The following GALNT18 variants were observed in gnomAD, a reference collection of about 807,000 sequenced individuals.
GALNT18 encodes the protein polypeptide N-acetylgalactosaminyltransferase 18, also known as GalNAc-transferase 18.
Under a neutral mutation model 69.5 loss-of-function variants are expected in GALNT18, and 44 were observed. The observed-to-expected ratio is 0.63, with a 90% confidence interval of 0.50 to 0.81. The LOEUF (loss-of-function observed/expected upper bound fraction) is 0.81, where lower values mean the gene tolerates loss of function less well. GALNT18 is among the 40% of genes least tolerant of loss of function. The pLI, the probability that GALNT18 is intolerant of heterozygous loss-of-function variation, is 0.00. For missense variants in GALNT18, 715 were observed against 810.0 expected, an observed-to-expected ratio of 0.88 and a Z score of 1.42; for synonymous variants, 364 against 318.2, an observed-to-expected ratio of 1.14 and a Z score of -1.53.
At chr11:11,503,781 G>A (rs1029631996) in intron 1 of GALNT18, among the ~76,000 whole-genome samples, 2 of 152,048 alleles carry the variant, frequency 1.3e-5, no homozygotes, top group South Asian at 2.1e-4. Flanking sequence ...TTTTGTTGAC[G>A]TAAATGTACA....
At chr11:11,425,854 G>A (rs1221475216) in intron 3 of GALNT18, among the ~76,000 whole-genome samples, 1 of 152,224 alleles carries the variant, frequency 6.6e-6, no homozygotes, top group East Asian at 1.9e-4. Flanking sequence ...AGCAATGAAT[G>A]CCAAGAGTCA....
chr11:11,437,336 A>C (rs561486768), intron 2 of GALNT18, among the ~76,000 whole-genome samples: 47 of 152,182 alleles, frequency 3.1e-4, no homozygotes, highest in Middle Eastern at 3.2e-3. Context: ...GAGATAAAAA[A>C]AACAAGGCAT....
At chr11:11,271,601 C>G (rs1056588086) in intron 10 of GALNT18, among the ~76,000 whole-genome samples, 2 of 152,132 alleles carry the variant, frequency 1.3e-5, no homozygotes, top group Non-Finnish European at 2.9e-5. Flanking sequence ...AGCTCCTACC[C>G]CAGGGGCTGG....
intron 1 of GALNT18, among the ~76,000 whole-genome samples, chr11:11,589,798 C>G (rs964678193): frequency 6.6e-6 from 1 of 152,210 alleles, no homozygotes; most frequent in African/African-American, 2.4e-5. Context: ...ACAACCTACT[C>G]TCAAATTTGT....
At chr11:11,514,335 T>A (rs1405401533) in intron 1 of GALNT18, among the ~76,000 whole-genome samples, 2 of 152,208 alleles carry the variant, frequency 1.3e-5, no homozygotes, top group African/African-American at 4.8e-5. Context: ...GCTCCCCATT[T>A]GGAATAGCAG....
chr11:11,612,521 A>C (rs1020365255), intron 1 of GALNT18, among the ~76,000 whole-genome samples: 1 of 152,224 alleles, frequency 6.6e-6, no homozygotes, highest in Non-Finnish European at 1.5e-5. Flanking sequence ...CCGCTAGCAC[A>C]ACATTTATTA....
intron 1 of GALNT18, among the ~76,000 whole-genome samples, chr11:11,559,892 A>ATGATGGGAT: frequency 9.0e-6 from 1 of 110,596 alleles, no homozygotes. Context: ...AGAATGGGAT[A>ATGATGGGAT]TGATGGGATG....
At chr11:11,533,098 C>G (rs891357272) in intron 1 of GALNT18, among the ~76,000 whole-genome samples, 2 of 152,150 alleles carry the variant, frequency 1.3e-5, no homozygotes, top group Admixed American at 1.3e-4. Flanking sequence ...CCATGTTACT[C>G]CCCAGCCCTT....
At chr11:11,361,927 C>A (rs1398888936) in intron 6 of GALNT18, among the ~76,000 whole-genome samples, 1 of 152,066 alleles carries the variant, frequency 6.6e-6, no homozygotes, top group Non-Finnish European at 1.5e-5. Context: ...TGTGGACTTA[C>A]AAACATAAAG....
rs548248030 is a variant in GALNT18, at chr11:11,473,672, G to C, written c.236-24736C>G. Among the ~76,000 whole-genome samples the C allele has an allele frequency of 1.0e-3, 158 of 152,274 alleles. 1 individual carries two copies. The highest frequency in any genetic ancestry group is 3.4e-3 in the African/African-American group (143 of 41,548). On this transcript the variant is annotated intron_variant, in intron 1 of 10. Transcript: ENST00000227756. ...AAAGCCAAAGTGTGTATGCACACAG[G>C]GGGAGAGAGAAGCAAGTTCACTTCT... is the stretch of plus-strand genomic sequence containing the variant.
chr11:11,441,863 T>C (rs1168574848), intron 2 of GALNT18, among the ~76,000 whole-genome samples: 5 of 152,206 alleles, frequency 3.3e-5, no homozygotes, highest in Admixed American at 2.6e-4. Context: ...AAAATTATTG[T>C]TATGAACTTT....
rs948195585 is a variant in GALNT18, at chr11:11,413,945, T to C, written c.595+18676A>G. Among the ~76,000 whole-genome samples, 1 of 152,196 alleles carries C rather than the reference T, an allele frequency of 6.6e-6. No homozygotes were observed. The highest frequency in any genetic ancestry group is 1.5e-5 in the Non-Finnish European group (1 of 68,032). ...ACATTCAGGACTTCACACTGGATCTTACTCACCAAACCTGTTCTTCCTCTA... is the reference window on the plus strand; with the variant it reads ...ACATTCAGGACTTCACACTGGATCTCACTCACCAAACCTGTTCTTCCTCTA... On this transcript the variant is annotated intron_variant, in intron 3 of 10. Transcript: ENST00000227756. The surrounding 1 kb of genome is among the most constrained non-coding windows in gnomAD (Gnocchi z 4.7).
chr11:11,300,657 C>A (rs559166338), intron 9 of GALNT18, among the ~76,000 whole-genome samples: 128 of 152,254 alleles, frequency 8.4e-4, no homozygotes, highest in Middle Eastern at 3.4e-3. Flanking sequence ...ATTGAAGGCA[C>A]AGTCAAGCTG....
intron 6 of GALNT18, among the ~76,000 whole-genome samples, chr11:11,365,061 A>G (rs1285372604): frequency 6.6e-6 from 1 of 152,088 alleles, no homozygotes; most frequent in Non-Finnish European, 1.5e-5. Flanking sequence ...ATACGAGTGC[A>G]GAACATGCAG....
intron 6 of GALNT18, among the ~76,000 whole-genome samples, chr11:11,346,954 C>A (rs114664733): frequency 3.7e-4 from 57 of 152,156 alleles, no homozygotes; most frequent in African/African-American, 1.3e-3. Flanking sequence ...AATAATGATT[C>A]CCCAGGTTTA....
chr11:11,528,952 T>A (rs9633878), intron 1 of GALNT18, among the ~76,000 whole-genome samples: 1 of 152,030 alleles, frequency 6.6e-6, no homozygotes, highest in Admixed American at 6.5e-5. Context: ...ATGGGCAGAG[T>A]TTTGACATTC....
chr11:11,325,699 A>C, intron 9 of GALNT18, among the ~76,000 whole-genome samples: 1 of 152,070 alleles, frequency 6.6e-6, no homozygotes, highest in Non-Finnish European at 1.5e-5. Context: ...TTCCCTCTAT[A>C]TATGTTTTAC....
intron 8 of GALNT18, among the ~76,000 whole-genome samples, chr11:11,327,678 G>T (rs1564896554): frequency 6.6e-6 from 1 of 152,234 alleles, no homozygotes; most frequent in Non-Finnish European, 1.5e-5. Flanking sequence ...TCCAGAGTGG[G>T]AGGTCGGATG....
intron 1 of GALNT18, among the ~76,000 whole-genome samples, chr11:11,577,160 C>T (rs566346072): frequency 9.9e-5 from 15 of 152,194 alleles, no homozygotes; most frequent in African/African-American, 2.7e-4. Flanking sequence ...AATGAAATAA[C>T]GTATGTGCTG....
Sources: gnomAD v4.1 joint callset for allele counts (sites outside exome capture counted in the v4.1 genomes callset) on GRCh38, gnomAD v4.1.1 for gene constraint, Gnocchi (gnomAD v3.1) non-coding constraint, MANE v1.5 for transcripts, NCBI Gene and HGNC (gene_info 2026-07-23, HGNC 2026-07-21) for gene names.